MEGF11: variants seen among roughly 807,000 people sequenced by gnomAD.
MEGF11 encodes multiple EGF like domains 11.
A neutral mutation model predicts 146.6 loss-of-function variants in MEGF11; 126 were observed. The ratio of observed to expected loss-of-function variants is 0.86; its 90% CI spans 0.74 to 1.00. The LOEUF is 1.00. Among genes scored for constraint, MEGF11 ranks in the 50% least tolerant of loss-of-function variants. The pLI, the probability that MEGF11 is intolerant of heterozygous loss-of-function variation, is 0.00. For missense variants in MEGF11, 1,509 were observed against 1,521.2 expected (o/e 0.99, Z 0.13); for synonymous variants, 532 against 583.4 (o/e 0.91, Z 1.27).
At chr15:66,164,538 A>G (rs75211389) in intron 1 of MEGF11, among the ~76,000 whole-genome samples, 10,326 of 152,212 alleles carry the variant, frequency 0.068, 497 homozygotes, top group Non-Finnish European at 0.1. Flanking sequence ...CACCTGTAAA[A>G]TGGGGACAAT....
chr15:66,141,236 GTGTGTGTGTGTGTGTGT>G lies in MEGF11; in HGVS notation c.-8-12842_-8-12826del, dbSNP rs2089136722. Among the ~76,000 whole-genome samples, 15 of 58,360 alleles carry G rather than the reference GTGTGTGTGTGTGTGTGT, an allele frequency of 2.6e-4. No individual in the cohort carries two copies. In the South Asian group the frequency reaches 4.9e-3, roughly 19 times the overall value. 38.3% of individuals were successfully genotyped at this position (58,360 alleles called of 152,430 possible). A position where few individuals can be genotyped will look rare whatever the true frequency, so the allele number is the denominator to read the frequency against. ...GTCTCTGTCCTGCAGACTCAGGGGT[GTGTGTGTGTGTGTGTGT>G]GTGTGTGTGTGTGTGTGTGTGTGTG... On this transcript the variant is annotated intron_variant, in intron 1 of 25. Coordinates refer to ENST00000395614, the MANE Select transcript of MEGF11 (RefSeq NM_001385028.1).
intron 5 of MEGF11, among the ~76,000 whole-genome samples, chr15:66,068,356 C>T (rs542215584): frequency 2.6e-4 from 39 of 152,302 alleles, no homozygotes; most frequent in South Asian, 2.5e-3. Flanking sequence ...CTGTCCTGCA[C>T]GCTGTAGGAT....
chr15:66,139,088 G>C (rs775607859), intron 1 of MEGF11, among the ~76,000 whole-genome samples: 246 of 152,338 alleles, frequency 1.6e-3, no homozygotes, highest in Middle Eastern at 3.4e-3. Flanking sequence ...TTCCAAGTCT[G>C]GACCAGAGGC....
intron 5 of MEGF11, among the ~76,000 whole-genome samples, chr15:66,074,809 T>C: frequency 6.6e-6 from 1 of 152,216 alleles, no homozygotes; most frequent in East Asian, 1.9e-4. Context: ...TGTGTCCTTA[T>C]TAACACTTGC....
At chr15:66,003,894 C>CCTG (rs1278669107) in intron 5 of MEGF11, among the ~76,000 whole-genome samples, 1 of 152,196 alleles carries the variant, frequency 6.6e-6, no homozygotes, top group Non-Finnish European at 1.5e-5. Flanking sequence ...CACCCACAGT[C>CCTG]CTGCTCCACT....
At chr15:66,131,608 G>A (rs1171590414) in intron 1 of MEGF11, among the ~76,000 whole-genome samples, 3 of 152,334 alleles carry the variant, frequency 2.0e-5, no homozygotes, top group South Asian at 2.1e-4. Context: ...GGCAGCATGG[G>A]CACCTCTGGA....
intron 1 of MEGF11, among the ~76,000 whole-genome samples, chr15:66,233,034 G>A (rs2092001024): frequency 6.6e-6 from 1 of 152,124 alleles, no homozygotes; most frequent in Non-Finnish European, 1.5e-5. Flanking sequence ...TTAACAAAAG[G>A]CAGGTGTGAC....
At chr15:66,116,964 A>G (rs2087759929) in intron 4 of MEGF11, among the ~76,000 whole-genome samples, 1 of 152,232 alleles carries the variant, frequency 6.6e-6, no homozygotes, top group South Asian at 2.1e-4. Flanking sequence ...GCCTGGATTC[A>G]AATCCAAGTT....
At chr15:66,160,378 A>G (rs1170181264) in intron 1 of MEGF11, among the ~76,000 whole-genome samples, 12 of 152,058 alleles carry the variant, frequency 7.9e-5, no homozygotes. Context: ...CAGGAGAGTC[A>G]AAGGAGATAA....
At chr15:65,951,949 C>G (rs1393329556) in intron 10 of MEGF11, among the ~76,000 whole-genome samples, 2 of 151,962 alleles carry the variant, frequency 1.3e-5, no homozygotes, top group African/African-American at 4.8e-5. Flanking sequence ...TTACAGTGAG[C>G]TATGATTGTG....
chr15:66,083,565 G>T (rs1043276164), intron 5 of MEGF11, among the ~76,000 whole-genome samples: 1 of 151,918 alleles, frequency 6.6e-6, no homozygotes, highest in Non-Finnish European at 1.5e-5. Context: ...ATTGAATTTG[G>T]CAATGATTTC....
chr15:66,140,322 G>T (rs1269875051), intron 1 of MEGF11, among the ~76,000 whole-genome samples: 1 of 152,160 alleles, frequency 6.6e-6, no homozygotes, highest in Non-Finnish European at 1.5e-5. Flanking sequence ...ACTACAGAAA[G>T]GTTTTTTCTG....
At chr15:66,175,845 C>T (rs1422536069) in intron 1 of MEGF11, among the ~76,000 whole-genome samples, 1 of 152,090 alleles carries the variant, frequency 6.6e-6, no homozygotes, top group Non-Finnish European at 1.5e-5. Flanking sequence ...CTAAAAAGTT[C>T]TACACAACAA....
intron 1 of MEGF11, among the ~76,000 whole-genome samples, chr15:66,197,169 G>T (rs1187439106): frequency 2.0e-5 from 3 of 152,216 alleles, no homozygotes; most frequent in Non-Finnish European, 2.9e-5. Flanking sequence ...AGGAAAAAAG[G>T]CTTGGTGAGA....
intron 1 of MEGF11, among the ~76,000 whole-genome samples, chr15:66,187,616 G>T (rs2090744978): frequency 6.6e-6 from 1 of 152,216 alleles, no homozygotes; most frequent in African/African-American, 2.4e-5. Context: ...GCAAAGCACG[G>T]TCTCTCCTAC....
At chr15:65,928,387 C>T in intron 13 of MEGF11, 38 bp downstream of exon 13, 1 of 1,439,710 alleles carries the variant, frequency 6.9e-7, no homozygotes, top group Non-Finnish European at 9.5e-7. Flanking sequence ...AACCCAGTTT[C>T]ACAGTACCTG....
Position 65,906,223 on chromosome 15 carries a change from C to CT in MEGF11, c.2999-83dup, listed in dbSNP as rs570272729. 3.1e-3 allele frequency: 3,195 copies of CT among 1,033,152 alleles called. 14 individuals are homozygous for CT. The highest frequency in any genetic ancestry group is 4.2e-3 in the Non-Finnish European group (2,850 of 684,282). 64.0% of individuals were successfully genotyped at this position (1,033,152 alleles called of 1,614,324 possible). The stretch of plus-strand genomic sequence containing the variant: ...GCTTGTGTTCTTCTTTCTTTTCTTG[C>CT]TTTTCCCCCCCCTTCTCCCCTACCC... On this transcript the variant is annotated intron_variant, in intron 23 of 25. Transcript: ENST00000395614.
intron 5 of MEGF11, among the ~76,000 whole-genome samples, chr15:66,081,438 G>A (rs1167911047): frequency 1.3e-5 from 2 of 152,194 alleles, no homozygotes; most frequent in Admixed American, 6.5e-5. Context: ...GAGTGCAATG[G>A]CACGATCTCG....
intron 5 of MEGF11, among the ~76,000 whole-genome samples, chr15:66,026,933 A>G (rs1420641899): frequency 2.0e-5 from 3 of 152,254 alleles, no homozygotes; most frequent in Admixed American, 2.0e-4. Context: ...GGTGTCATTT[A>G]TATGAAATGT....
Sources: allele counts gnomAD v4.1 joint callset (sites outside exome capture counted in the v4.1 genomes callset), GRCh38; gene constraint gnomAD v4.1.1; transcripts MANE v1.5; gene names NCBI Gene and HGNC (gene_info 2026-07-23, HGNC 2026-07-21).